GDA: variants seen among roughly 807,000 people sequenced by gnomAD.
GDA encodes cytoplasmic PSD-95 interactor.
GDA carries 18 observed loss-of-function variants against 59.6 expected under a neutral mutation model. The ratio of observed to expected loss-of-function variants is 0.30; its 90% CI spans 0.21 to 0.45. The LOEUF (loss-of-function observed/expected upper bound fraction) is 0.45, where lower values mean the gene tolerates loss of function less well. Ranked by LOEUF, GDA falls within the 20% of genes least tolerant of loss-of-function variation. The pLI is 1.00. For missense variants in GDA, 427 were observed against 552.3 expected (o/e 0.77, Z 2.27); for synonymous variants, 201 against 201.1 (o/e 1.00, Z 0.00).
intron 3 of GDA, among the ~76,000 whole-genome samples, chr9:72,209,779 C>T (rs144439943): frequency 1.7e-4 from 26 of 152,242 alleles, no homozygotes; most frequent in Admixed American, 2.6e-4. Flanking sequence ...GGGTCCCAAA[C>T]GTCACTGTGA....
intron 1 of GDA, among the ~76,000 whole-genome samples, chr9:72,150,278 A>C (rs1827026331): frequency 6.6e-6 from 1 of 151,770 alleles, no homozygotes; most frequent in Admixed American, 6.6e-5. Flanking sequence ...TAATTCATCC[A>C]TCTCTTTTCC....
intron 1 of GDA, among the ~76,000 whole-genome samples, chr9:72,123,675 C>G (rs997883531): frequency 6.6e-6 from 1 of 151,534 alleles, no homozygotes; most frequent in Non-Finnish European, 1.5e-5. Context: ...TTAGTAGAGA[C>G]AGGATTTCTC....
upstream of GDA, among the ~76,000 whole-genome samples, chr9:72,147,589 A>G (rs1193093838): frequency 1.3e-5 from 2 of 151,678 alleles, no homozygotes; most frequent in Non-Finnish European, 1.5e-5. Context: ...TCAAGTAGAT[A>G]TATTCTAGTT....
rs1840615671 is a variant in GDA, at chr9:72,250,904, CA to C, written c.*2566del. On this transcript the variant is annotated 3_prime_UTR_variant, in exon 14 of 14. Transcript: ENST00000358399. Reference sequence around the variant, plus strand: ...ACAAAATATTTTTGCAACCAGAACACAAAAGCAGGCTAGTCAGCTAAGGTAA... The same window carrying C: ...ACAAAATATTTTTGCAACCAGAACACAAAGCAGGCTAGTCAGCTAAGGTAA... 7.3e-7 allele frequency: 1 copy of C among 1,364,520 alleles called. No individual in the cohort carries two copies. Among genetic ancestry groups the C allele is most frequent in the East Asian group, 2.3e-5 (1 of 43,434 alleles). The allele number at this position is 1,364,520 out of a possible 1,614,324, so 84.5% of individuals were successfully genotyped here.
intron 7 of GDA, 101 bp downstream of exon 7, chr9:72,223,328 A>G (rs919528251): frequency 2.8e-5 from 19 of 675,844 alleles, no homozygotes; most frequent in Non-Finnish European, 5.0e-5. Context: ...TTTACTGAGT[A>G]ATCTGTTTCT....
At chr9:72,116,309 A>T (rs1459169267) in intron 1 of GDA, among the ~76,000 whole-genome samples, 1 of 152,046 alleles carries the variant, frequency 6.6e-6, no homozygotes, top group African/African-American at 2.4e-5. Context: ...AAAGTAGATT[A>T]CAAAGCACCT....
intron 3 of GDA, among the ~76,000 whole-genome samples, chr9:72,203,793 G>C (rs66918131): frequency 0.21 from 31,743 of 151,780 alleles, 3,843 homozygotes; most frequent in East Asian, 0.52. Context: ...TCCAGTCTTA[G>C]AGAGTAAAAG....
rs750912278 is a variant in GDA, at chr9:72,225,787, A to C, written c.822+3A>C. On this transcript the variant is annotated splice_donor_region_variant and intron_variant, in intron 8 of 13. Coordinates refer to ENST00000358399, the MANE Select transcript of GDA (RefSeq NM_004293.5). ...AAAACAATCTTTTGACAAATAAGGT[A>C]AGTTTTATATCATGACATAATCTGT... 9.1e-7 allele frequency: 1 copy of C among 1,096,206 alleles called. No homozygotes were observed. Among genetic ancestry groups the C allele is most frequent in the South Asian group, 1.4e-5 (1 of 73,388 alleles). The allele number at this position is 1,096,206 out of a possible 1,614,324, so 67.9% of individuals were successfully genotyped here.
intron 1 of GDA, among the ~76,000 whole-genome samples, chr9:72,159,881 T>C (rs984109375): frequency 2.0e-5 from 3 of 152,224 alleles, no homozygotes; most frequent in African/African-American, 7.2e-5. Context: ...TTGTATTCTT[T>C]TTCTTAATTG....
At chr9:72,182,214 C>G (rs1464063117) in intron 1 of GDA, among the ~76,000 whole-genome samples, 1 of 152,098 alleles carries the variant, frequency 6.6e-6, no homozygotes, top group East Asian at 1.9e-4. Flanking sequence ...AAACTTTGCC[C>G]ACTGGCCCAA....
At chr9:72,205,028 C>T (rs934118155) in intron 3 of GDA, among the ~76,000 whole-genome samples, 5 of 149,616 alleles carry the variant, frequency 3.3e-5, no homozygotes, top group Non-Finnish European at 7.4e-5. Flanking sequence ...ATGAGAATCG[C>T]CTGAACCCGG....
intron 7 of GDA, 37 bp from the exon 8 acceptor site, chr9:72,225,640 A>T: frequency 1.0e-6 from 1 of 977,172 alleles, no homozygotes; most frequent in Non-Finnish European, 1.6e-6. Context: ...ATGGTATTTT[A>T]CAGAAGAAAA....
At chr9:72,144,999 G>A (rs571127292), upstream of GDA, among the ~76,000 whole-genome samples, 2 of 151,660 alleles carry the variant, frequency 1.3e-5, no homozygotes, top group Non-Finnish European at 2.9e-5. Context: ...AAATAAAATA[G>A]GCAGGCATTT....
At chr9:72,253,960 TA>T (rs900914793), downstream of GDA, among the ~76,000 whole-genome samples, 3 of 150,872 alleles carry the variant, frequency 2.0e-5, no homozygotes, top group African/African-American at 7.3e-5. Flanking sequence ...ATAGTAATAA[TA>T]AAAAAAAAGA....
chr9:72,136,153 C>T (rs918124930), intron 1 of GDA, among the ~76,000 whole-genome samples: 3 of 151,958 alleles, frequency 2.0e-5, no homozygotes, highest in Non-Finnish European at 4.4e-5. Flanking sequence ...TAGAAGAAAA[C>T]CATGAACATA....
At chr9:72,243,778 G>T (rs957509134) in intron 11 of GDA, among the ~76,000 whole-genome samples, 3 of 152,160 alleles carry the variant, frequency 2.0e-5, no homozygotes, top group Non-Finnish European at 4.4e-5. Flanking sequence ...ATACCTATAG[G>T]TAGAAATATA....
intron 1 of GDA, among the ~76,000 whole-genome samples, chr9:72,192,455 C>A (rs1192980642): frequency 6.6e-6 from 1 of 150,832 alleles, no homozygotes; most frequent in East Asian, 2.0e-4. Flanking sequence ...TGGTCTTGAA[C>A]TCCTGACCTC....
intron 1 of GDA, among the ~76,000 whole-genome samples, chr9:72,184,273 GT>G (rs2131121406): frequency 6.6e-6 from 1 of 152,228 alleles, no homozygotes; most frequent in African/African-American, 2.4e-5. Context: ...ACATTATGTG[GT>G]TTTGGACACT....
chr9:72,216,981 T>C (rs569538736), intron 5 of GDA, among the ~76,000 whole-genome samples: 1 of 152,242 alleles, frequency 6.6e-6, no homozygotes, highest in African/African-American at 2.4e-5. Flanking sequence ...GGCCCAGGAA[T>C]AGCTATTAAC....
Sources: gnomAD v4.1 joint callset for allele counts (sites outside exome capture counted in the v4.1 genomes callset) on GRCh38, gnomAD v4.1.1 for gene constraint, MANE v1.5 for transcripts, NCBI Gene and HGNC (gene_info 2026-07-23, HGNC 2026-07-21) for gene names.